Variants in SORCS1 observed in about 807,000 individuals in gnomAD.
SORCS1 encodes VPS10 domain-containing receptor SorCS1.
A neutral mutation model predicts 146.1 loss-of-function variants in SORCS1; 60 were observed. The ratio of observed to expected loss-of-function variants is 0.41; its 90% CI spans 0.33 to 0.51. The LOEUF is 0.51. Among genes scored for constraint, SORCS1 ranks in the 20% least tolerant of loss-of-function variants. The pLI, the probability that SORCS1 is intolerant of heterozygous loss-of-function variation, is 0.21. For synonymous variants in SORCS1, 637 were observed against 584.0 expected (o/e 1.09, Z -1.31); for missense variants, 1,352 against 1,487.6 (o/e 0.91, Z 1.50).
At position 106,611,998 on chromosome 10, in the gene SORCS1, G is replaced by A; in HGVS notation, c.2946C>T (p.Ser982=). 2 of 1,614,052 alleles carry A rather than the reference G, an allele frequency of 1.2e-6. No homozygotes were observed. Among genetic ancestry groups the A allele is most frequent in the Non-Finnish European group, 1.7e-6 (2 of 1,179,962 alleles). ...VYEEFRSLRL[S]FSPNLDDYNP... ...TGTAGTCATCCAGGTTTGGAGAAAA[G>A]GACAAGCGAAGAGACCGGAATTCCT... Residue 982 remains serine (S), a synonymous_variant, in exon 22 of 26, where the codon TCC becomes TCT. Transcript: ENST00000263054.
intron 4 of SORCS1, among the ~76,000 whole-genome samples, chr10:106,776,217 A>T (rs1860422631): frequency 6.6e-6 from 1 of 152,214 alleles, no homozygotes; most frequent in Non-Finnish European, 1.5e-5. Context: ...ACCAATCCAC[A>T]AACATAAGAC....
chr10:106,643,068 A>G (rs1849176819), intron 18 of SORCS1, among the ~76,000 whole-genome samples: 1 of 151,854 alleles, frequency 6.6e-6, no homozygotes, highest in African/African-American at 2.4e-5. Flanking sequence ...TGGTTCCTTC[A>G]CCATAGAGAG....
chr10:107,020,721 A>C (rs755509258), intron 1 of SORCS1, among the ~76,000 whole-genome samples: 2 of 152,206 alleles, frequency 1.3e-5, no homozygotes, highest in Non-Finnish European at 2.9e-5. Flanking sequence ...GACCTTTCTA[A>C]AGAATTTTGG....
chr10:106,997,074 G>C (rs1207066881), intron 1 of SORCS1, among the ~76,000 whole-genome samples: 2 of 151,198 alleles, frequency 1.3e-5, no homozygotes, highest in African/African-American at 4.9e-5. Flanking sequence ...AGATTAGCCT[G>C]GTCCTTTAAG....
At chr10:107,109,604 G>A (rs933085714) in intron 1 of SORCS1, among the ~76,000 whole-genome samples, 5 of 152,166 alleles carry the variant, frequency 3.3e-5, no homozygotes, top group African/African-American at 1.2e-4. Flanking sequence ...ATGATGAGAA[G>A]GGCTGCCACA....
intron 3 of SORCS1, among the ~76,000 whole-genome samples, chr10:106,799,481 T>A (rs1401168269): frequency 2.0e-5 from 3 of 152,174 alleles, no homozygotes; most frequent in Non-Finnish European, 4.4e-5. Flanking sequence ...AATCTACTCA[T>A]CTGACAGAGG....
chr10:106,743,392 G>A (rs904629624), intron 5 of SORCS1, among the ~76,000 whole-genome samples: 10 of 152,042 alleles, frequency 6.6e-5, no homozygotes, highest in Non-Finnish European at 1.2e-4. Flanking sequence ...CTGGAAATAT[G>A]TTTGACTGCT....
chr10:107,177,786 G>C, the SORCS1 span, among the ~76,000 whole-genome samples: 1 of 152,296 alleles, frequency 6.6e-6, no homozygotes, highest in African/African-American at 2.4e-5. Context: ...ATTTGCAGCA[G>C]ATGGTACATA....
chr10:107,094,004 G>A (rs1301484807), intron 1 of SORCS1, among the ~76,000 whole-genome samples: 1 of 151,954 alleles, frequency 6.6e-6, no homozygotes, highest in Non-Finnish European at 1.5e-5. Flanking sequence ...CGAGATTTTC[G>A]AATTCTTATC....
intron 1 of SORCS1, among the ~76,000 whole-genome samples, chr10:107,127,566 G>C (rs547022164): frequency 6.6e-6 from 1 of 152,290 alleles, no homozygotes; most frequent in East Asian, 1.9e-4. Context: ...TCATGTTCCT[G>C]AAGATAGCAG....
intron 1 of SORCS1, among the ~76,000 whole-genome samples, chr10:107,034,401 C>T (rs1020091981): frequency 1.3e-5 from 2 of 151,880 alleles, no homozygotes; most frequent in South Asian, 4.2e-4. Flanking sequence ...ACTAATAGGC[C>T]GGGCATGGTG....
Position 106,777,820 on chromosome 10 carries a change from G to T in SORCS1, c.727-1128C>A, listed in dbSNP as rs1474050292. Among the ~76,000 whole-genome samples the T allele has an allele frequency of 2.6e-5, 4 of 152,144 alleles. No homozygotes were observed. The East Asian group carries it at 7.7e-4, about 29-fold the overall frequency. On this transcript the variant is annotated intron_variant, in intron 3 of 25. Coordinates refer to ENST00000263054, the MANE Select transcript of SORCS1 (RefSeq NM_052918.5). The stretch of plus-strand genomic sequence containing the variant: ...GTGTGCACCTAATGTCTCCAGACAG[G>T]TGGCCTTAATGCTACCCGTTGACCT...
intron 1 of SORCS1, among the ~76,000 whole-genome samples, chr10:107,003,932 T>C (rs1015400403): frequency 2.0e-5 from 3 of 151,976 alleles, no homozygotes; most frequent in Non-Finnish European, 2.9e-5. Context: ...TCCCAGCACT[T>C]TGGGAGGCCG....
chr10:107,155,022 T>G (rs1969168192), intron 1 of SORCS1, among the ~76,000 whole-genome samples: 1 of 152,188 alleles, frequency 6.6e-6, no homozygotes, highest in South Asian at 2.1e-4. Context: ...AAATTATATT[T>G]TAAATCATGT....
the SORCS1 span, among the ~76,000 whole-genome samples, chr10:107,171,004 T>G: frequency 6.6e-6 from 1 of 152,220 alleles, no homozygotes; most frequent in African/African-American, 2.4e-5. Context: ...TTCCTTAATC[T>G]GCAAAATGTA....
At chr10:107,118,336 C>T (rs1033025982) in intron 1 of SORCS1, among the ~76,000 whole-genome samples, 2 of 152,150 alleles carry the variant, frequency 1.3e-5, no homozygotes, top group Admixed American at 6.5e-5. Flanking sequence ...ATAAGCCACC[C>T]AGGTTATGTT....
In SORCS1 at chr10:106,699,222, G is replaced by A; in HGVS notation, c.1405C>T (p.Leu469Phe). The A allele has an allele frequency of 6.2e-7, 1 of 1,611,748 alleles. No individual in the cohort carries two copies. Among genetic ancestry groups the A allele is most frequent in the Non-Finnish European group, 8.5e-7 (1 of 1,178,792 alleles). The change falls in exon 9 of 26, where the codon CTC (leucine) becomes TTC (phenylalanine). Residue 469 changes from leucine (L) to phenylalanine (F), a missense_variant. By Grantham distance (22) the Leu-to-Phe change is conservative. This residue lies in a region of SORCS1 where 648 missense variants were observed against 793.8 expected (regional missense o/e 0.82). Coordinates refer to ENST00000263054, the MANE Select transcript of SORCS1 (RefSeq NM_052918.5). ...TATGCCTCGTGACATACCTCATAGA[G>A]GTCGATCATGATGTTGCCCTCAGGG... The part of the protein sequence containing the change: ...RGPEGNIMID[L>F]YEVAGIKGMF...
intron 1 of SORCS1, among the ~76,000 whole-genome samples, chr10:107,143,767 G>A (rs1195663684): frequency 6.6e-6 from 1 of 152,046 alleles, no homozygotes; most frequent in East Asian, 1.9e-4. Context: ...GCCTCCCAAA[G>A]TGCTGGGATT....
At chr10:106,976,209 C>G (rs937942742) in intron 1 of SORCS1, among the ~76,000 whole-genome samples, 1 of 146,498 alleles carries the variant, frequency 6.8e-6, no homozygotes, top group African/African-American at 2.5e-5. Context: ...GTTGCTTCAT[C>G]TGTTTTTTTT....
Sources: gnomAD v4.1 joint callset for allele counts (sites outside exome capture counted in the v4.1 genomes callset) on GRCh38, gnomAD v4.1.1 for gene constraint, gnomAD v4.1.1 regional missense constraint, MANE v1.5 for transcripts, NCBI Gene and HGNC (gene_info 2026-07-23, HGNC 2026-07-21) for gene names.